The following DPP10 variants were observed in gnomAD, a reference collection of about 807,000 sequenced individuals.
The protein encoded by DPP10 is inactive dipeptidyl peptidase 10.
DPP10 carries 33 observed loss-of-function variants against 120.9 expected under a neutral mutation model. That is an observed-to-expected ratio of 0.27 (90% CI 0.21 to 0.37). DPP10 has a LOEUF of 0.37. Among genes scored for constraint, DPP10 ranks in the 10% least tolerant of loss-of-function variants. The probability of loss-of-function intolerance (pLI) is 1.00; values close to 1 mark genes in which losing one functional copy is unlikely to be tolerated. For missense variants in DPP10, 816 were observed against 942.8 expected (o/e 0.87, Z 1.76); for synonymous variants, 337 against 326.1 (o/e 1.03, Z -0.36).
chr2:114,583,656 G>C (rs755968513), intron 1 of DPP10, among the ~76,000 whole-genome samples: 1 of 152,128 alleles, frequency 6.6e-6, no homozygotes, highest in African/African-American at 2.4e-5. Context: ...ATTTTCTGAG[G>C]TTGCAGTTGA....
At chr2:115,067,112 T>G (rs1271937137) in intron 1 of DPP10, among the ~76,000 whole-genome samples, 1 of 152,218 alleles carries the variant, frequency 6.6e-6, no homozygotes, top group African/African-American at 2.4e-5. Context: ...TCTGTTTCTA[T>G]GAGTTTAAGT....
At chr2:115,139,415 C>A (rs2050804368) in intron 1 of DPP10, among the ~76,000 whole-genome samples, 1 of 151,922 alleles carries the variant, frequency 6.6e-6, no homozygotes, top group African/African-American at 2.4e-5. Context: ...GACATAATCC[C>A]TCCCACCCCT....
chr2:114,838,545 C>T (rs1351633538), intron 1 of DPP10, among the ~76,000 whole-genome samples: 1 of 152,114 alleles, frequency 6.6e-6, no homozygotes, highest in Non-Finnish European at 1.5e-5. Flanking sequence ...GAACTTCTGA[C>T]CTCGGTCTCC....
chr2:115,375,351 C>A lies in DPP10; in HGVS notation c.271+31439C>A, dbSNP rs929096824. Among the ~76,000 whole-genome samples, 7 of 152,316 alleles carry A rather than the reference C, an allele frequency of 4.6e-5. 1 individual carries two copies. The East Asian group carries it at 1.4e-3, about 29-fold the overall frequency. On this transcript the variant is annotated intron_variant, in intron 3 of 25. Transcript: ENST00000410059. ...AATATAGCAAGAGTGACCTTTGCTC[C>A]AGTAACCAGTAAGTTCCTCATTTCC...
At chr2:114,616,490 C>G (rs1048943170) in intron 1 of DPP10, among the ~76,000 whole-genome samples, 2 of 152,084 alleles carry the variant, frequency 1.3e-5, no homozygotes, top group East Asian at 3.9e-4. Flanking sequence ...CTGAACTCCA[C>G]CAAAAGCCTG....
intron 13 of DPP10, among the ~76,000 whole-genome samples, chr2:115,771,722 C>T (rs1681498948): frequency 6.6e-6 from 1 of 152,086 alleles, no homozygotes; most frequent in African/African-American, 2.4e-5. Context: ...TGAGAAATGA[C>T]AGGACTGGGG....
At chr2:115,274,795 A>C (rs943659100) in intron 1 of DPP10, among the ~76,000 whole-genome samples, 4 of 152,248 alleles carry the variant, frequency 2.6e-5, no homozygotes, top group Non-Finnish European at 4.4e-5. Context: ...TTACTTAATA[A>C]GCACATAATT....
chr2:114,620,547 A>T (rs1407648879), intron 1 of DPP10, among the ~76,000 whole-genome samples: 1 of 151,962 alleles, frequency 6.6e-6, no homozygotes, highest in Non-Finnish European at 1.5e-5. Context: ...TATTATAAAA[A>T]CCCTGTATGT....
At chr2:115,438,720 T>C (rs111876541) in intron 3 of DPP10, among the ~76,000 whole-genome samples, 1 of 149,684 alleles carries the variant, frequency 6.7e-6, no homozygotes. Context: ...TGTAGAATAG[T>C]GGCTAAGATG....
At chr2:115,366,705 G>C (rs187843257) in intron 3 of DPP10, among the ~76,000 whole-genome samples, 8 of 151,990 alleles carry the variant, frequency 5.3e-5, no homozygotes, top group Non-Finnish European at 1.2e-4. Flanking sequence ...GACTTTGCTG[G>C]GTCTTCCAAG....
At chr2:115,441,960 C>T (rs973388069) in intron 3 of DPP10, among the ~76,000 whole-genome samples, 4 of 151,502 alleles carry the variant, frequency 2.6e-5, no homozygotes, top group Admixed American at 2.0e-4. Context: ...GGCCTACGGG[C>T]GCACCACCAT....
At chr2:114,496,848 G>A (rs964386792) in intron 1 of DPP10, among the ~76,000 whole-genome samples, 7 of 151,984 alleles carry the variant, frequency 4.6e-5, no homozygotes, top group South Asian at 2.1e-4. Flanking sequence ...GACACCTGCA[G>A]GAATGTGAGC....
At chr2:115,787,670 A>G (rs560050739) in intron 17 of DPP10, among the ~76,000 whole-genome samples, 10 of 152,288 alleles carry the variant, frequency 6.6e-5, no homozygotes, top group East Asian at 1.9e-4. Flanking sequence ...ATTTGATGCA[A>G]TAACGGCCAA....
rs191154922 is a variant in DPP10, at chr2:114,507,845, G to A, written c.60+65007G>A. 1.7e-4 allele frequency among the ~76,000 whole-genome samples: 26 copies of A among 152,202 alleles called. No homozygotes were observed. The East Asian group carries it at 4.6e-3, about 27-fold the overall frequency. On this transcript the variant is annotated intron_variant, in intron 1 of 25. Coordinates refer to ENST00000410059, the MANE Select transcript of DPP10 (RefSeq NM_020868.6). ...AATTAAATTCAATAATGCATATAAA[G>A]GAATTATACTTTCTACCACATGGTA...
chr2:115,766,902 G>A (rs1014626895), intron 12 of DPP10, among the ~76,000 whole-genome samples: 2 of 152,114 alleles, frequency 1.3e-5, no homozygotes, highest in Admixed American at 6.5e-5. Context: ...AACCATTCGT[G>A]AAGGACTCAC....
At position 115,330,272 on chromosome 2, in the gene DPP10, TTTTG is replaced by T. The variant is rs532124563; in HGVS notation, c.176-13542_176-13539del. On this transcript the variant is annotated intron_variant, in intron 2 of 25. Transcript: ENST00000410059. ...TGTCTGTTCATATCTTTTGCCCACTTTTTGTTGGGTTTGTTTTTTTCTTGTAAAT... is the reference window on the plus strand; with the variant it reads ...TGTCTGTTCATATCTTTTGCCCACTTTTGGGTTTGTTTTTTTCTTGTAAAT... Among the ~76,000 whole-genome samples the T allele has an allele frequency of 4.6e-4, 70 of 152,328 alleles. 1 individual carries two copies. In the South Asian group the frequency reaches 9.3e-3, roughly 20 times the overall value.
chr2:115,791,101 A>T lies in DPP10; in HGVS notation c.1552A>T (p.Asn518Tyr). 6.2e-7 allele frequency: 1 copy of T among 1,612,850 alleles called. No individual in the cohort carries two copies. The highest frequency in any genetic ancestry group is 8.5e-7 in the Non-Finnish European group (1 of 1,179,508). The change falls in exon 18 of 26, where the codon AAT becomes TAT. Residue 518 changes from asparagine (N) to tyrosine (Y), a missense_variant. Asn to Tyr is a moderately radical substitution (Grantham distance 143). Transcript: ENST00000410059. ...NPAKYFILES[N>Y]SMLKEAILKK... is the part of the protein sequence containing the mutation. ...TACAGAATATTTTATATTGGAAAGC[A>T]ATTCTATGCTGAAGGAAGCTATCCT...
At chr2:114,690,174 T>A (rs1399078389) in intron 1 of DPP10, among the ~76,000 whole-genome samples, 1 of 152,090 alleles carries the variant, frequency 6.6e-6, no homozygotes, top group East Asian at 1.9e-4. Context: ...ATATACTGAA[T>A]GGTATTGCCT....
At chr2:114,926,755 A>G (rs1253040285) in intron 1 of DPP10, among the ~76,000 whole-genome samples, 2 of 152,170 alleles carry the variant, frequency 1.3e-5, no homozygotes, top group East Asian at 1.9e-4. Flanking sequence ...GGTCAAATCT[A>G]AAAGGCAACT....
Sources: allele counts gnomAD v4.1 joint callset (sites outside exome capture counted in the v4.1 genomes callset), GRCh38; gene constraint gnomAD v4.1.1; transcripts MANE v1.5; gene names NCBI Gene and HGNC (gene_info 2026-07-23, HGNC 2026-07-21).